The following ATXN3 variants were observed in gnomAD, a reference collection of about 807,000 sequenced individuals.
The protein encoded by ATXN3 is ataxin-3.
A neutral mutation model predicts 58.2 loss-of-function variants in ATXN3; 28 were observed. The ratio of observed to expected loss-of-function variants is 0.48; its 90% CI spans 0.36 to 0.66. The LOEUF is 0.66. Ranked by LOEUF, ATXN3 falls within the 30% of genes least tolerant of loss-of-function variation. ATXN3 has a pLI of 0.00. For missense variants in ATXN3, 321 were observed against 422.1 expected (o/e 0.76, Z 2.10); for synonymous variants, 113 against 138.5 (o/e 0.82, Z 1.29).
intron 7 of ATXN3, 78 bp downstream of exon 7, chr14:92,083,048 T>C (rs1283633056): frequency 1.3e-6 from 2 of 1,495,076 alleles, no homozygotes; most frequent in Non-Finnish European, 9.0e-7. Context: ...AAGGACCACA[T>C]ATTCAATCTA....
Position 92,097,183 on chromosome 14 carries a change from A to G in ATXN3, c.25-345T>C, listed in dbSNP as rs561025762. 1.9e-3 allele frequency among the ~76,000 whole-genome samples: 286 copies of G among 151,992 alleles called. 5 individuals are homozygous for G. The highest frequency in any genetic ancestry group is 8.7e-3 in the South Asian group (42 of 4,808). On this transcript the variant is annotated intron_variant, in intron 1 of 10. Transcript: ENST00000644486. Reference sequence around the variant, plus strand: ...CTTGGCCTCCCAAAGTGCTGGGATTACAGGCGTGAGCCACTGCGCCCGGCT... The same window carrying G: ...CTTGGCCTCCCAAAGTGCTGGGATTGCAGGCGTGAGCCACTGCGCCCGGCT...
At chr14:92,069,620 C>A (rs1305085510) in intron 10 of ATXN3, among the ~76,000 whole-genome samples, 1 of 152,178 alleles carries the variant, frequency 6.6e-6, no homozygotes, top group Admixed American at 6.5e-5. Flanking sequence ...TATCTGCCAA[C>A]CTCGGCCTCC....
chr14:92,077,144 A>G (rs2140530174), intron 9 of ATXN3, among the ~76,000 whole-genome samples: 1 of 152,230 alleles, frequency 6.6e-6, no homozygotes, highest in Admixed American at 6.5e-5. Flanking sequence ...TCATTGCAAT[A>G]TTAATTATAA....
At position 92,064,285 on chromosome 14, in the gene ATXN3, G is replaced by A. The variant is rs1280019865; in HGVS notation, c.*35C>T. The A allele has an allele frequency of 6.9e-7, 1 of 1,451,988 alleles. No homozygotes were observed. Among genetic ancestry groups the A allele is most frequent in the African/African-American group, 1.4e-5 (1 of 70,854 alleles). 89.9% of individuals were successfully genotyped at this position (1,451,988 alleles called of 1,614,324 possible). Reference sequence around the variant, plus strand: ...GCTGTAATCACACAGGATAATGTTGGAAAGTATGAATATCTAAATTATTTT... The same window carrying A: ...GCTGTAATCACACAGGATAATGTTGAAAAGTATGAATATCTAAATTATTTT... On this transcript the variant is annotated 3_prime_UTR_variant, in exon 11 of 11. Coordinates refer to ENST00000644486, the MANE Select transcript of ATXN3 (RefSeq NM_004993.6).
intron 1 of ATXN3, among the ~76,000 whole-genome samples, chr14:92,098,859 T>A (rs1037719410): frequency 6.6e-6 from 1 of 152,178 alleles, no homozygotes; most frequent in Non-Finnish European, 1.5e-5. Flanking sequence ...ACAGGATTCC[T>A]CCTCATGGGA....
intron 10 of ATXN3, among the ~76,000 whole-genome samples, chr14:92,064,930 C>G (rs1356923040): frequency 1.3e-5 from 2 of 152,192 alleles, no homozygotes; most frequent in East Asian, 3.8e-4. Context: ...CCAATAGTTA[C>G]ATCTTATGTA....
chr14:92,092,859 AT>A (rs1199404693), intron 5 of ATXN3, among the ~76,000 whole-genome samples: 2 of 75,462 alleles, frequency 2.7e-5, no homozygotes, highest in Non-Finnish European at 2.6e-5. Context: ...TTTTAAATAT[AT>A]TTTTTTTATT....
At chr14:92,090,098 T>C (rs1248082787) in intron 5 of ATXN3, among the ~76,000 whole-genome samples, 1 of 152,160 alleles carries the variant, frequency 6.6e-6, no homozygotes, top group African/African-American at 2.4e-5. Context: ...TAAAAAGCAC[T>C]ATCACATATA....
intron 2 of ATXN3, among the ~76,000 whole-genome samples, chr14:92,045,370 C>T (rs998020512): frequency 3.9e-5 from 6 of 152,102 alleles, no homozygotes; most frequent in Admixed American, 2.0e-4. Context: ...AAGGCCAAAC[C>T]GAGAAATTAT....
At chr14:92,086,725 G>A (rs928357401) in intron 6 of ATXN3, among the ~76,000 whole-genome samples, 3 of 151,938 alleles carry the variant, frequency 2.0e-5, no homozygotes, top group Non-Finnish European at 4.4e-5. Flanking sequence ...TAAAAATGGG[G>A]AGGCAGCTGG....
intron 10 of ATXN3, among the ~76,000 whole-genome samples, chr14:92,068,428 T>G (rs1408644904): frequency 6.6e-6 from 1 of 152,166 alleles, no homozygotes; most frequent in Non-Finnish European, 1.5e-5. Flanking sequence ...AGCAGGCTTT[T>G]CATGGGGTTT....
upstream of ATXN3, among the ~76,000 whole-genome samples, chr14:92,051,718 C>CGTTTTT (rs2057448563): frequency 2.8e-5 from 1 of 35,692 alleles, no homozygotes; most frequent in Non-Finnish European, 5.1e-5. Flanking sequence ...CTTTTCCTTT[C>CGTTTTT]TTTTTTTTTT....
chr14:92,074,426 A>C (rs55912493), intron 9 of ATXN3, among the ~76,000 whole-genome samples: 1 of 152,220 alleles, frequency 6.6e-6, no homozygotes, highest in Non-Finnish European at 1.5e-5. Flanking sequence ...TGCCAGTCCC[A>C]AAATTCTGCT....
intron 10 of ATXN3, among the ~76,000 whole-genome samples, chr14:92,065,098 A>C (rs2058147196): frequency 6.6e-6 from 1 of 152,198 alleles, no homozygotes. Context: ...CTATCGATTT[A>C]TATTCCCACC....
chr14:92,078,045 G>T (rs1188426994), intron 9 of ATXN3, among the ~76,000 whole-genome samples: 1 of 139,718 alleles, frequency 7.2e-6, no homozygotes, highest in African/African-American at 2.8e-5. Flanking sequence ...GGTGATCTCA[G>T]CTCACTGCAA....
chr14:92,066,800 C>T (rs1216086881), intron 10 of ATXN3, among the ~76,000 whole-genome samples: 7 of 148,734 alleles, frequency 4.7e-5, no homozygotes, highest in African/African-American at 7.5e-5. Flanking sequence ...GATGGAGTCT[C>T]GCTCAACTGC....
chr14:92,074,805 C>A (rs1243141980), intron 9 of ATXN3, among the ~76,000 whole-genome samples: 1 of 152,160 alleles, frequency 6.6e-6, no homozygotes, highest in Non-Finnish European at 1.5e-5. Flanking sequence ...TCATAGCAAT[C>A]CATGTCCATG....
intron 8 of ATXN3, among the ~76,000 whole-genome samples, chr14:92,081,909 C>G (rs1316029870): frequency 6.6e-6 from 1 of 152,176 alleles, no homozygotes; most frequent in African/African-American, 2.4e-5. Context: ...AGTTGCATAG[C>G]CAATAAATGT....
rs533264801 is a variant in ATXN3 at position 92,082,638 on chromosome 14, T to A, written c.609-172A>T. Among the ~76,000 whole-genome samples, 7 of 149,504 alleles carry A rather than the reference T, an allele frequency of 4.7e-5. No individual in the cohort carries two copies. The East Asian group carries it at 1.4e-3, about 30-fold the overall frequency. On this transcript the variant is annotated intron_variant, in intron 7 of 10. Transcript: ENST00000644486. ...GCAATTTGAATCCAACTAAGTTTTTTTTTTCCGTTTCTTTTTTTTTTTTTT... is the reference window on the plus strand; with the variant it reads ...GCAATTTGAATCCAACTAAGTTTTTATTTTCCGTTTCTTTTTTTTTTTTTT...
Sources: allele counts gnomAD v4.1 joint callset (sites outside exome capture counted in the v4.1 genomes callset), GRCh38; gene constraint gnomAD v4.1.1; transcripts MANE v1.5; gene names NCBI Gene and HGNC (gene_info 2026-07-23, HGNC 2026-07-21).